Variants in GRHPR observed in about 807,000 individuals in gnomAD.
GRHPR encodes glyoxylate reductase/hydroxypyruvate reductase.
GRHPR carries 35 observed loss-of-function variants against 36.8 expected under a neutral mutation model. The ratio of observed to expected loss-of-function variants is 0.95; its 90% CI spans 0.73 to 1.26. The LOEUF (loss-of-function observed/expected upper bound fraction) is 1.26. Ranked by LOEUF, GRHPR falls within the 50% of genes most tolerant of loss-of-function variation. The probability of loss-of-function intolerance (pLI) is 0.00; values close to 1 mark genes in which losing one functional copy is unlikely to be tolerated. For missense variants in GRHPR, 380 were observed against 435.0 expected (o/e 0.87, Z 1.12); for synonymous variants, 179 against 181.0 (o/e 0.99, Z 0.09).
At chr9:37,436,573 C>T in intron 8 of GRHPR, 88 bp from the exon 9 acceptor site, 1 of 1,435,900 alleles carries the variant, frequency 7.0e-7, no homozygotes, top group Non-Finnish European at 9.8e-7. Flanking sequence ...ATTCTTCTTA[C>T]CGGCAAACCC....
intron 1 of GRHPR, among the ~76,000 whole-genome samples, chr9:37,424,466 A>G (rs1822980518): frequency 6.6e-6 from 1 of 152,240 alleles, no homozygotes; most frequent in Admixed American, 6.5e-5. Context: ...CACGGACAGG[A>G]AGAGATGCAA....
downstream of GRHPR, chr9:37,437,117 C>T (rs1158281495): frequency 8.3e-6 from 3 of 361,110 alleles, no homozygotes; most frequent in Non-Finnish European, 1.6e-5. Context: ...TTCAAGGCTG[C>T]AGTGTGCTAT....
rs748132069 is a variant in GRHPR, at chr9:37,427,967, G to A, written c.405-517G>A. ...TGGCCAGCAGCGTGGGCCCCGGCAC[G>A]GGGCATGGAGCAGAGTAGACAGTGC... is the stretch of plus-strand genomic sequence containing the variant. On this transcript the variant is annotated intron_variant, in intron 4 of 8. Coordinates refer to ENST00000318158, the MANE Select transcript of GRHPR (RefSeq NM_012203.2). The A allele has an allele frequency of 3.6e-4, 61 of 170,386 alleles. 1 individual carries two copies. The highest frequency in any genetic ancestry group is 1.3e-3 in the Admixed American group (23 of 17,868). The allele number at this position is 170,386 out of a possible 1,614,324, so 10.6% of individuals were successfully genotyped here.
intron 1 of GRHPR, among the ~76,000 whole-genome samples, chr9:37,423,479 C>T (rs1396672298): frequency 6.7e-6 from 1 of 149,290 alleles, no homozygotes; most frequent in African/African-American, 2.5e-5. Context: ...GGCCTGAGGA[C>T]CCTTTAATTT....
intron 7 of GRHPR, chr9:37,431,261 G>C (rs937592192): frequency 1.5e-5 from 5 of 339,058 alleles, no homozygotes; most frequent in South Asian, 1.1e-4. Flanking sequence ...CTGAGGACTC[G>C]TCCACCCCAA....
downstream of GRHPR, chr9:37,437,965 A>ATGAT (rs1198565420): frequency 2.0e-5 from 3 of 152,236 alleles, no homozygotes; most frequent in East Asian, 5.8e-4. Flanking sequence ...GCAGAAGGGA[A>ATGAT]TGATTTGAGA....
In GRHPR at chr9:37,434,576, G is replaced by A. The variant is rs16934118; in HGVS notation, c.866-2085G>A. On this transcript the variant is annotated intron_variant, in intron 8 of 8. Coordinates refer to ENST00000318158, the MANE Select transcript of GRHPR (RefSeq NM_012203.2). ...GCCACTGCAACCAAAGAGGAGGAGGGGTCAAGTTAATGAAGGCCATAGGAC... is the reference window on the plus strand; with the variant it reads ...GCCACTGCAACCAAAGAGGAGGAGGAGTCAAGTTAATGAAGGCCATAGGAC... 958 of 274,208 alleles carry A rather than the reference G, an allele frequency of 3.5e-3. 14 individuals are homozygous for A. Among genetic ancestry groups the A allele is most frequent in the African/African-American group, 0.02 (894 of 45,418 alleles). 17.0% of individuals were successfully genotyped at this position (274,208 alleles called of 1,614,324 possible).
At chr9:37,430,282 G>A (rs757584488) in intron 6 of GRHPR, 11 of 611,810 alleles carry the variant, frequency 1.8e-5, no homozygotes, top group Admixed American at 2.5e-5. Context: ...CATTCCCCAC[G>A]CCCCTGGGCA....
intron 6 of GRHPR, chr9:37,430,093 T>G: frequency 1.8e-6 from 1 of 559,272 alleles, no homozygotes; most frequent in Non-Finnish European, 3.2e-6. Context: ...CCATTCCCCA[T>G]TGTGGGCGGA....
chr9:37,438,252 ATAAT>A (rs910289001), downstream of GRHPR: 6 of 152,646 alleles, frequency 3.9e-5, no homozygotes, highest in African/African-American at 1.4e-4. Flanking sequence ...ACGCCAGACT[ATAAT>A]TAAGGCTAAC....
Position 37,436,967 on chromosome 9 carries a change from CTAT to C in GRHPR, c.*191_*193del. On this transcript the variant is annotated 3_prime_UTR_variant, in exon 9 of 9. Coordinates refer to ENST00000318158, the MANE Select transcript of GRHPR (RefSeq NM_012203.2). ...CATTTGCGCCAAAAGTATGGTAATTCTATTATTAAATAATTCTCTGAGAGACCG... is the reference window on the plus strand; with the variant it reads ...CATTTGCGCCAAAAGTATGGTAATTCTATTAAATAATTCTCTGAGAGACCG... 1 of 623,552 alleles carries C rather than the reference CTAT, an allele frequency of 1.6e-6. No homozygotes were observed. 38.6% of individuals were successfully genotyped at this position (623,552 alleles called of 1,614,324 possible). A position where few individuals can be genotyped will look rare whatever the true frequency, so the allele number is the denominator to read the frequency against.
Position 37,425,585 on chromosome 9 carries a change from A to G in GRHPR, c.215-337A>G, listed in dbSNP as rs189070021. ...GTCACGTCCCAGCCACCTTCTTGGC[A>G]CTCTCAGAGGTGTCCATGGGGGAGG... is the stretch of plus-strand genomic sequence containing the variant. On this transcript the variant is annotated intron_variant, in intron 2 of 8. Transcript: ENST00000318158. 1.5e-4 allele frequency among the ~76,000 whole-genome samples: 23 copies of G among 152,196 alleles called. 1 individual carries two copies. The highest frequency in any genetic ancestry group is 4.6e-4 in the Admixed American group (7 of 15,294).
intron 4 of GRHPR, 54 bp downstream of exon 4, chr9:37,426,708 G>A: frequency 9.7e-7 from 1 of 1,034,492 alleles, no homozygotes; most frequent in African/African-American, 1.6e-5. Flanking sequence ...CCAGCACTTT[G>A]GGAGGCCAAA....
At chr9:37,431,980 G>A (rs760825210) in intron 7 of GRHPR, 28 bp from the exon 8 acceptor site, 11 of 1,613,302 alleles carry the variant, frequency 6.8e-6, no homozygotes, top group South Asian at 2.2e-5. Flanking sequence ...GATCTTCGGG[G>A]TACCCATGTC....
In GRHPR at chr9:37,425,980, T is replaced by A. The variant is rs747177860; in HGVS notation, c.273T>A (p.Asp91Glu). 6.2e-7 allele frequency: 1 copy of A among 1,612,226 alleles called. No homozygotes were observed. The highest frequency in any genetic ancestry group is 8.5e-7 in the Non-Finnish European group (1 of 1,178,304). ...MSVGIDHLAL[D>E]EIKKRGIRVG... The stretch of plus-strand genomic sequence containing the variant: ...TGGGCATCGACCACTTGGCTTTGGA[T>A]GAAATCAAGAAGCGGTAACTGCAGC... Residue 91 changes from aspartate to glutamate, a missense_variant, in exon 3 of 9, where the codon GAT becomes GAA. Asp to Glu is a conservative substitution (Grantham distance 45). Coordinates refer to ENST00000318158, the MANE Select transcript of GRHPR (RefSeq NM_012203.2).
At chr9:37,433,228 A>ATTTTTTT (rs11345501) in intron 8 of GRHPR, among the ~76,000 whole-genome samples, 1 of 97,202 alleles carries the variant, frequency 1.0e-5, no homozygotes. Context: ...TGGTTCTCAC[A>ATTTTTTT]TTTTTTTTTT....
At chr9:37,439,339 T>C (rs1823807783), downstream of GRHPR, 1 of 152,246 alleles carries the variant, frequency 6.6e-6, no homozygotes, top group Admixed American at 6.5e-5. Flanking sequence ...AACTCTTACA[T>C]AGCCTAGAAA....
At chr9:37,428,452 G>A (rs979531614) in intron 4 of GRHPR, 32 bp from the exon 5 acceptor site, 9 of 1,431,116 alleles carry the variant, frequency 6.3e-6, no homozygotes, top group Non-Finnish European at 8.9e-6. Context: ...TCCAAGGCTG[G>A]GCCTCTCACC....
intron 8 of GRHPR, 118 bp from the exon 9 acceptor site, chr9:37,436,543 C>A (rs1823658929): frequency 9.1e-7 from 1 of 1,094,032 alleles, no homozygotes; most frequent in South Asian, 1.2e-5. Context: ...AAGCATGGAA[C>A]CATGAGGTAG....
Sources: gnomAD v4.1 joint callset for allele counts (sites outside exome capture counted in the v4.1 genomes callset) on GRCh38, gnomAD v4.1.1 for gene constraint, MANE v1.5 for transcripts, NCBI Gene and HGNC (gene_info 2026-07-23, HGNC 2026-07-21) for gene names.